RBM20: variants seen among roughly 807,000 people sequenced by gnomAD.
RBM20 encodes RNA binding motif protein 20.
RBM20 carries 51 observed loss-of-function variants against 110.1 expected under a neutral mutation model. The observed-to-expected ratio is 0.46, with a 90% CI of 0.37 to 0.59. RBM20 has a LOEUF of 0.59. Among genes scored for constraint, RBM20 ranks in the 20% least tolerant of loss-of-function variants. The probability of loss-of-function intolerance (pLI) is 0.00; values close to 1 mark genes in which losing one functional copy is unlikely to be tolerated. For missense variants in RBM20, 1,512 were observed against 1,574.9 expected (o/e 0.96, Z 0.68); for synonymous variants, 589 against 618.2 (o/e 0.95, Z 0.70).
intron 1 of RBM20, among the ~76,000 whole-genome samples, chr10:110,740,675 T>C (rs1325640710): frequency 6.6e-6 from 1 of 152,184 alleles, no homozygotes; most frequent in Non-Finnish European, 1.5e-5. Context: ...GCCCGAGGAC[T>C]CCTTTTTGAG....
chr10:110,695,805 T>C (rs1862654143), intron 1 of RBM20, among the ~76,000 whole-genome samples: 1 of 152,256 alleles, frequency 6.6e-6, no homozygotes, highest in African/African-American at 2.4e-5. Context: ...GCAATCCATT[T>C]TCTGGTGACC....
intron 1 of RBM20, among the ~76,000 whole-genome samples, chr10:110,716,167 G>C (rs1230183787): frequency 6.6e-6 from 1 of 152,210 alleles, no homozygotes; most frequent in Non-Finnish European, 1.5e-5. Context: ...TGAAGGTCTT[G>C]GTCTTTTCTC....
At chr10:110,784,136 A>T (rs1056560289) in intron 3 of RBM20, among the ~76,000 whole-genome samples, 1 of 152,202 alleles carries the variant, frequency 6.6e-6, no homozygotes, top group Non-Finnish European at 1.5e-5. Flanking sequence ...TTGTTTATCC[A>T]TTCATCTTTT....
At chr10:110,770,126 G>A (rs968139697) in intron 1 of RBM20, among the ~76,000 whole-genome samples, 1 of 152,180 alleles carries the variant, frequency 6.6e-6, no homozygotes, top group African/African-American at 2.4e-5. Context: ...AAATGTACAT[G>A]TTCACGCTCC....
chr10:110,656,106 G>A (rs1183696707), intron 1 of RBM20, among the ~76,000 whole-genome samples: 1 of 152,044 alleles, frequency 6.6e-6, no homozygotes, highest in Non-Finnish European at 1.5e-5. Context: ...TTCGAGACCA[G>A]CCTGGCCAAC....
intron 6 of RBM20, 109 bp from the exon 7 acceptor site, chr10:110,799,678 T>A: frequency 5.7e-6 from 6 of 1,054,374 alleles, no homozygotes; most frequent in Non-Finnish European, 8.0e-6. Context: ...CACCGTTGAT[T>A]AGTTTTGCCT....
At chr10:110,695,462 C>T (rs1307560125) in intron 1 of RBM20, among the ~76,000 whole-genome samples, 1 of 152,204 alleles carries the variant, frequency 6.6e-6, no homozygotes, top group Non-Finnish European at 1.5e-5. Flanking sequence ...AAGCTGCCTC[C>T]ACCCTCAGAC....
intron 12 of RBM20, among the ~76,000 whole-genome samples, chr10:110,828,926 T>C (rs1010343374): frequency 1.3e-5 from 2 of 152,202 alleles, no homozygotes; most frequent in Non-Finnish European, 2.9e-5. Flanking sequence ...GCTACACTGC[T>C]GGGGGCTTTG....
intron 9 of RBM20, among the ~76,000 whole-genome samples, chr10:110,817,365 T>TA (rs1448012382): frequency 1.8e-4 from 27 of 152,340 alleles, no homozygotes; most frequent in African/African-American, 6.5e-4. Context: ...CCCCAGAGTG[T>TA]AACCCCTGGT....
chr10:110,792,247 G>T (rs900280253), intron 5 of RBM20, among the ~76,000 whole-genome samples: 1 of 151,948 alleles, frequency 6.6e-6, no homozygotes, highest in South Asian at 2.1e-4. Flanking sequence ...TTTAGAGTAG[G>T]TTGGTGACAT....
intron 1 of RBM20, among the ~76,000 whole-genome samples, chr10:110,662,011 G>T (rs61861725): frequency 6.8e-6 from 1 of 146,838 alleles, no homozygotes; most frequent in Non-Finnish European, 1.5e-5. Context: ...ACTGGTCTCA[G>T]GAAAAAAAAA....
rs563866370 is a variant in RBM20 at position 110,796,236 on chromosome 10, T to C, written c.1528-1272T>C. Among the ~76,000 whole-genome samples the C allele has an allele frequency of 4.6e-5, 7 of 152,376 alleles. No homozygotes were observed. The South Asian group carries it at 1.4e-3, about 32-fold the overall frequency. On this transcript the variant is annotated intron_variant, in intron 5 of 13. Transcript: ENST00000369519. ...AAGATAACCAGCATTGACAGGTTGA[T>C]ATATATGCTGCACATCTTTGTCTGT...
intron 7 of RBM20, among the ~76,000 whole-genome samples, chr10:110,807,765 T>C (rs2135094984): frequency 1.3e-5 from 2 of 152,360 alleles, no homozygotes; most frequent in East Asian, 3.9e-4. Context: ...AACTGGAACC[T>C]TGGGGACTCT....
chr10:110,727,412 T>A lies in RBM20; in HGVS notation c.192-53389T>A, dbSNP rs199742647. Among the ~76,000 whole-genome samples, 242 of 68,956 alleles carry A rather than the reference T, an allele frequency of 3.5e-3. 4 individuals carry two copies. The East Asian group carries it at 0.24, about 69-fold the overall frequency. 45.2% of individuals were successfully genotyped at this position (68,956 alleles called of 152,430 possible). ...AAAAGTCCGTCTCAAAAAATAAAAATAAAAAAAAAATAAATAAAAAGTCCA... is the reference window on the plus strand; with the variant it reads ...AAAAGTCCGTCTCAAAAAATAAAAAAAAAAAAAAAATAAATAAAAAGTCCA... On this transcript the variant is annotated intron_variant, in intron 1 of 13. Transcript: ENST00000369519.
intron 1 of RBM20, among the ~76,000 whole-genome samples, chr10:110,766,539 G>A (rs576504411): frequency 1.4e-4 from 21 of 152,196 alleles, no homozygotes; most frequent in East Asian, 3.9e-4. Flanking sequence ...TAACGAGCAT[G>A]CTGCCTTCAA....
intron 1 of RBM20, among the ~76,000 whole-genome samples, chr10:110,651,659 A>T (rs1861951022): frequency 6.6e-6 from 1 of 152,184 alleles, no homozygotes; most frequent in African/African-American, 2.4e-5. Context: ...GTTTTACAGG[A>T]GCACGGCTGT....
chr10:110,647,840 C>T (rs779987030), intron 1 of RBM20, among the ~76,000 whole-genome samples: 28 of 152,044 alleles, frequency 1.8e-4, no homozygotes, highest in Admixed American at 4.6e-4. Context: ...TTTAGGTTGC[C>T]AGTTTTAAAG....
intron 1 of RBM20, among the ~76,000 whole-genome samples, chr10:110,758,545 C>A (rs1843951651): frequency 6.6e-6 from 1 of 152,038 alleles, no homozygotes; most frequent in Non-Finnish European, 1.5e-5. Context: ...TGTGAGGTGG[C>A]CTCTTTGAGA....
chr10:110,673,173 A>G (rs977977066), intron 1 of RBM20, among the ~76,000 whole-genome samples: 1 of 152,058 alleles, frequency 6.6e-6, no homozygotes, highest in Non-Finnish European at 1.5e-5. Context: ...TTCTTGATAC[A>G]TATTCCTGAA....
Sources: gnomAD v4.1 joint callset for allele counts (sites outside exome capture counted in the v4.1 genomes callset) on GRCh38, gnomAD v4.1.1 for gene constraint, MANE v1.5 for transcripts, NCBI Gene and HGNC (gene_info 2026-07-23, HGNC 2026-07-21) for gene names.